The following TBK1 variants were observed in gnomAD, a reference collection of about 807,000 sequenced individuals.
TBK1 encodes TANK binding kinase 1, also known as serine/threonine-protein kinase TBK1.
In TBK1, 37 loss-of-function variants were observed where a neutral mutation model predicts 99.9. The observed-to-expected ratio is 0.37, with a 90% confidence interval of 0.28 to 0.49. The LOEUF (loss-of-function observed/expected upper bound fraction) is 0.49. Among genes scored for constraint, TBK1 ranks in the 20% least tolerant of loss-of-function variants. TBK1 has a pLI of 0.98. For synonymous variants in TBK1, 258 were observed against 279.8 expected (o/e 0.92, Z 0.78); for missense variants, 644 against 872.5 (o/e 0.74, Z 3.30).
At chr12:64,488,030 T>C (rs2040835514) in intron 11 of TBK1, among the ~76,000 whole-genome samples, 1 of 152,212 alleles carries the variant, frequency 6.6e-6, no homozygotes, top group Admixed American at 6.5e-5. Context: ...GCTTAACCAG[T>C]ATGTATATAT....
chr12:64,474,661 T>C lies in TBK1; in HGVS notation c.701+271T>C, dbSNP rs142086785. 2.4e-3 allele frequency among the ~76,000 whole-genome samples: 373 copies of C among 152,290 alleles called. 1 individual carries two copies. Among genetic ancestry groups the C allele is most frequent in the African/African-American group, 8.5e-3 (354 of 41,566 alleles). ...TAAAAATGTACTGCTTTCTAGACTT[T>C]ATTTCAGCACACTGTTTATTTCACT... On this transcript the variant is annotated intron_variant, in intron 6 of 20. Coordinates refer to ENST00000331710, the MANE Select transcript of TBK1 (RefSeq NM_013254.4).
At chr12:64,479,250 CATTT>C (rs1464790572) in intron 6 of TBK1, among the ~76,000 whole-genome samples, 1 of 152,112 alleles carries the variant, frequency 6.6e-6, no homozygotes, top group Non-Finnish European at 1.5e-5. Context: ...AGACTTTTGC[CATTT>C]ATTCTATTCA....
Position 64,480,092 on chromosome 12 carries a change from G to A in TBK1, c.782G>A (p.Gly261Glu). Residue 261 changes from glycine (G) to glutamate (E), a missense_variant, in exon 7 of 21, where the codon GGA becomes GAA. Around this residue, in one of 3 missense-constraint regions of TBK1, gnomAD observed 465 missense variants for 588.0 expected, o/e 0.79. Coordinates refer to ENST00000331710, the MANE Select transcript of TBK1 (RefSeq NM_013254.4). ...GAAAATGGACCAATTGACTGGAGTG[G>A]AGACATGCCTGTTTCTTGCAGTCTT... Reference protein sequence around the residue: ...KAENGPIDWSGDMPVSCSLSR... With the variant: ...KAENGPIDWSEDMPVSCSLSR... 1 of 1,612,604 alleles carries A rather than the reference G, an allele frequency of 6.2e-7. No homozygotes were observed. The highest frequency in any genetic ancestry group is 8.5e-7 in the Non-Finnish European group (1 of 1,179,208).
At chr12:64,499,077 G>A (rs1448800944) in intron 20 of TBK1, among the ~76,000 whole-genome samples, 8 of 102,404 alleles carry the variant, frequency 7.8e-5, no homozygotes, top group Admixed American at 6.5e-4. Context: ...ACGGAGTTTC[G>A]CTGTTGCCCA....
At chr12:64,490,356 A>G (rs963403967) in intron 13 of TBK1, among the ~76,000 whole-genome samples, 51 of 152,216 alleles carry the variant, frequency 3.4e-4, no homozygotes, top group African/African-American at 1.2e-3. Context: ...TGTAAAATAA[A>G]TAATTTAAAT....
Position 64,463,992 on chromosome 12 carries a change from T to C in TBK1, c.229-342T>C, listed in dbSNP as rs370762026. ...GATTCTCCTGCCTCAGTCTCCTGAG[T>C]AGCTGGGACTAGAGGCATGTGCCAC... On this transcript the variant is annotated intron_variant, in intron 3 of 20. Transcript: ENST00000331710. 8.8e-4 allele frequency among the ~76,000 whole-genome samples: 134 copies of C among 151,982 alleles called. 1 individual carries two copies. The East Asian group carries it at 0.015, about 17-fold the overall frequency.
intron 8 of TBK1, 177 bp from the exon 9 acceptor site, chr12:64,484,126 A>G (rs2040795256): frequency 2.0e-6 from 1 of 496,936 alleles, no homozygotes; most frequent in Non-Finnish European, 3.6e-6. Context: ...TGCTTACTGT[A>G]TGGACAGGTT....
At chr12:64,473,761 AC>A (rs779636273) in intron 5 of TBK1, among the ~76,000 whole-genome samples, 1 of 152,018 alleles carries the variant, frequency 6.6e-6, no homozygotes, top group African/African-American at 2.4e-5. Context: ...ACATGGTGAA[AC>A]CCTGTCTCTA....
chr12:64,466,540 T>C (rs1191283750), intron 4 of TBK1, among the ~76,000 whole-genome samples: 2 of 152,098 alleles, frequency 1.3e-5, no homozygotes, highest in Non-Finnish European at 1.5e-5. Flanking sequence ...AAGATTGATA[T>C]CTTTTTTGGG....
intron 20 of TBK1, among the ~76,000 whole-genome samples, chr12:64,498,925 C>T (rs2040957597): frequency 6.7e-6 from 1 of 149,122 alleles, no homozygotes; most frequent in East Asian, 2.0e-4. Context: ...CACTGCACTC[C>T]AGCCTGGGTG....
rs56725684 is a variant in TBK1, at chr12:64,499,693, C to CTTTTTT, written c.2139-1619_2139-1614dup. Among the ~76,000 whole-genome samples the CTTTTTT allele has an allele frequency of 7.8e-4, 65 of 82,932 alleles. 3 individuals carry two copies. Among genetic ancestry groups the CTTTTTT allele is most frequent in the South Asian group, 1.9e-3 (4 of 2,104 alleles). The allele number at this position is 82,932 out of a possible 152,430, so 54.4% of individuals were successfully genotyped here. A position where few individuals can be genotyped will look rare whatever the true frequency, so the allele number is the denominator to read the frequency against. On this transcript the variant is annotated intron_variant, in intron 20 of 20. Transcript: ENST00000331710. ...AAGTAGAAGAGACTATAAAGATGTG[C>CTTTTTT]TTTTTTTTTTTTTTTTTTTTTTTGA...
intron 6 of TBK1, among the ~76,000 whole-genome samples, chr12:64,474,949 T>G (rs1453965575): frequency 6.6e-6 from 1 of 152,092 alleles, no homozygotes; most frequent in Non-Finnish European, 1.5e-5. Context: ...AGACCCTGTC[T>G]CTATAAAAAA....
At chr12:64,486,930 G>A (rs2040826284) in intron 11 of TBK1, among the ~76,000 whole-genome samples, 1 of 151,968 alleles carries the variant, frequency 6.6e-6, no homozygotes, top group Non-Finnish European at 1.5e-5. Context: ...TATACTGTTT[G>A]CCTGTTCCAG....
chr12:64,464,318 T>G lies in TBK1; in HGVS notation c.229-16T>G. 7.5e-7 allele frequency: 1 copy of G among 1,339,396 alleles called. No individual in the cohort carries two copies. The highest frequency in any genetic ancestry group is 9.9e-7 in the Non-Finnish European group (1 of 1,010,492). The allele number at this position is 1,339,396 out of a possible 1,614,324, so 83.0% of individuals were successfully genotyped here. A position where few individuals can be genotyped will look rare whatever the true frequency, so the allele number is the denominator to read the frequency against. The stretch of plus-strand genomic sequence containing the variant: ...ATTTTTTATGTTGATTCCCAATCAA[T>G]GATTTTTTTTTTCAGACAACAACAA... On this transcript the variant is annotated splice_polypyrimidine_tract_variant and intron_variant, in intron 3 of 20. Coordinates refer to ENST00000331710, the MANE Select transcript of TBK1 (RefSeq NM_013254.4).
chr12:64,485,198 G>A (rs2040806904), intron 9 of TBK1, among the ~76,000 whole-genome samples: 1 of 152,124 alleles, frequency 6.6e-6, no homozygotes, highest in Admixed American at 6.5e-5. Flanking sequence ...GTTGGGATTT[G>A]ATGTAGATTT....
At chr12:64,486,630 A>G (rs1421600445) in intron 11 of TBK1, among the ~76,000 whole-genome samples, 1 of 151,266 alleles carries the variant, frequency 6.6e-6, no homozygotes, top group Non-Finnish European at 1.5e-5. Flanking sequence ...TGGGGGGTCT[A>G]GTTATGTTGC....
chr12:64,493,942 A>G (rs1300631541), intron 13 of TBK1, among the ~76,000 whole-genome samples: 2 of 152,094 alleles, frequency 1.3e-5, no homozygotes, highest in Non-Finnish European at 2.9e-5. Flanking sequence ...TGGTAACACC[A>G]TTTTCTTAAT....
At chr12:64,481,764 T>G in intron 7 of TBK1, 78 bp from the exon 8 acceptor site, 1 of 1,045,538 alleles carries the variant, frequency 9.6e-7, no homozygotes, top group Non-Finnish European at 1.3e-6. Flanking sequence ...TTTGATTTGC[T>G]GGTAAATACT....
chr12:64,486,468 G>T (rs541195641), intron 11 of TBK1, among the ~76,000 whole-genome samples: 3 of 149,858 alleles, frequency 2.0e-5, no homozygotes, highest in South Asian at 2.1e-4. Flanking sequence ...ACAGGGTCTC[G>T]CTGTCACCCA....
Sources: allele counts gnomAD v4.1 joint callset (sites outside exome capture counted in the v4.1 genomes callset), GRCh38; gene constraint gnomAD v4.1.1; regional missense constraint gnomAD v4.1.1; transcripts MANE v1.5; gene names NCBI Gene and HGNC (gene_info 2026-07-23, HGNC 2026-07-21).